The following MARCO variants were observed in gnomAD, a reference collection of about 807,000 sequenced individuals.
The protein encoded by MARCO is macrophage receptor MARCO.
Under a neutral mutation model 70.0 loss-of-function variants are expected in MARCO, and 72 were observed. The ratio of observed to expected loss-of-function variants is 1.03; its 90% CI spans 0.85 to 1.25. MARCO has a LOEUF of 1.25. Among genes scored for constraint, MARCO ranks in the 50% most tolerant of loss-of-function variants. The pLI is 0.00. For missense variants in MARCO, 696 were observed against 659.3 expected, an observed-to-expected ratio of 1.06 and a Z score of -0.61; for synonymous variants, 273 against 243.1, an observed-to-expected ratio of 1.12 and a Z score of -1.14.
At chr2:118,944,609 T>C (rs1268798300) in intron 1 of MARCO, among the ~76,000 whole-genome samples, 7 of 152,188 alleles carry the variant, frequency 4.6e-5, no homozygotes, top group Non-Finnish European at 1.0e-4. Context: ...ATTGTTGGTA[T>C]TGAAATATAA....
At chr2:118,994,170 G>A (rs1017847487) in intron 16 of MARCO, among the ~76,000 whole-genome samples, 1 of 149,518 alleles carries the variant, frequency 6.7e-6, no homozygotes, top group African/African-American at 2.5e-5. Flanking sequence ...GTAGAGAATA[G>A]AACGGAGGCA....
Position 118,974,351 on chromosome 2 carries a change from G to A in MARCO, c.479G>A (p.Gly160Glu), listed in dbSNP as rs1448907863. Reference sequence around the variant, plus strand: ...TCCTCAGGTCTTCAAGGTCACAAGGGGGCCATGGGCATGCCTGGTGCCCCT... The same window carrying A: ...TCCTCAGGTCTTCAAGGTCACAAGGAGGCCATGGGCATGCCTGGTGCCCCT... ...QGAPGLQGHK[G>E]AMGMPGAPGP... Residue 160 changes from glycine (G) to glutamate (E), a missense_variant, in exon 5 of 17, where the codon GGG becomes GAG. Around this residue, in one of 3 missense-constraint regions of MARCO, gnomAD observed 605 missense variants for 537.6 expected, o/e 1.13. Coordinates refer to ENST00000327097, the MANE Select transcript of MARCO (RefSeq NM_006770.4). The A allele has an allele frequency of 6.2e-7, 1 of 1,603,700 alleles. No homozygotes were observed. The highest frequency in any genetic ancestry group is 8.5e-7 in the Non-Finnish European group (1 of 1,175,248).
chr2:118,954,728 G>A (rs989140436), intron 1 of MARCO, among the ~76,000 whole-genome samples: 2 of 152,204 alleles, frequency 1.3e-5, no homozygotes, highest in Non-Finnish European at 1.5e-5. Context: ...CCGTTAGTTG[G>A]TTCACATGAG....
chr2:118,960,117 A>G (rs1679914203), intron 1 of MARCO, among the ~76,000 whole-genome samples: 1 of 121,484 alleles, frequency 8.2e-6, no homozygotes, highest in Admixed American at 7.6e-5. Flanking sequence ...AAAATAAAAT[A>G]AAATAATAAT....
intron 8 of MARCO, among the ~76,000 whole-genome samples, chr2:118,979,769 T>C (rs1558668942): frequency 6.6e-6 from 1 of 152,186 alleles, no homozygotes; most frequent in Non-Finnish European, 1.5e-5. Flanking sequence ...AGGTCTCTCT[T>C]ACCCATGGCT....
intron 6 of MARCO, 147 bp from the exon 7 acceptor site, chr2:118,977,319 AGAGAG>A: frequency 5.2e-6 from 1 of 193,856 alleles, no homozygotes; most frequent in South Asian, 1.4e-4. Flanking sequence ...TGTGTGAAAA[AGAGAG>A]AGAGAGAGAG....
intron 1 of MARCO, among the ~76,000 whole-genome samples, chr2:118,961,502 C>T (rs2104565324): frequency 6.6e-6 from 1 of 152,274 alleles, no homozygotes; most frequent in South Asian, 2.1e-4. Context: ...CGTATGTTGG[C>T]TACATGAATG....
At chr2:118,974,879 T>C (rs900757016) in intron 6 of MARCO, among the ~76,000 whole-genome samples, 2 of 152,130 alleles carry the variant, frequency 1.3e-5, no homozygotes, top group South Asian at 2.1e-4. Flanking sequence ...CTTTGGAAAG[T>C]TGGCCTCCTT....
At chr2:118,985,433 T>C (rs1315599731) in intron 12 of MARCO, among the ~76,000 whole-genome samples, 1 of 152,138 alleles carries the variant, frequency 6.6e-6, no homozygotes, top group Admixed American at 6.5e-5. Flanking sequence ...CTTCCTCTTG[T>C]TTGCATCTCT....
At chr2:118,948,014 A>T (rs976778524) in intron 1 of MARCO, among the ~76,000 whole-genome samples, 28 of 152,316 alleles carry the variant, frequency 1.8e-4, no homozygotes, top group African/African-American at 4.6e-4. Context: ...CTAAATTTTT[A>T]AAAAAATTTC....
intron 1 of MARCO, among the ~76,000 whole-genome samples, chr2:118,957,421 G>A (rs137990801): frequency 5.3e-5 from 8 of 151,918 alleles, no homozygotes; most frequent in Admixed American, 2.6e-4. Context: ...AAAATACAAC[G>A]TTCCTAGCTT....
At position 118,948,341 on chromosome 2, in the gene MARCO, C is replaced by A. The variant is rs993651297; in HGVS notation, c.97+5944C>A. ...GGACCTCACAATCTTAAACTGATAC[C>A]CGATTTGCTAATAGCCTACAACTTT... On this transcript the variant is annotated intron_variant, in intron 1 of 16. Coordinates refer to ENST00000327097, the MANE Select transcript of MARCO (RefSeq NM_006770.4). Among the ~76,000 whole-genome samples, 6 of 152,250 alleles carry A rather than the reference C, an allele frequency of 3.9e-5. No individual in the cohort carries two copies. The East Asian group carries it at 1.2e-3, about 29-fold the overall frequency.
Position 118,966,070 on chromosome 2 carries a change from C to G in MARCO, c.98-3090C>G, listed in dbSNP as rs72960652. 7.1e-3 allele frequency among the ~76,000 whole-genome samples: 1,080 copies of G among 152,270 alleles called. 17 individuals carry two copies. Among genetic ancestry groups the G allele is most frequent in the African/African-American group, 0.024 (1,017 of 41,548 alleles). On this transcript the variant is annotated intron_variant, in intron 1 of 16. Transcript: ENST00000327097. ...CCTGCTACCCCAGGAGGTGGCAGAC[C>G]TGGAGGAGGACACCCTACCAGCACT... is the stretch of plus-strand genomic sequence containing the variant.
At chr2:118,952,370 G>GTATAAAT (rs2104552009) in intron 1 of MARCO, among the ~76,000 whole-genome samples, 1 of 152,204 alleles carries the variant, frequency 6.6e-6, no homozygotes, top group Admixed American at 6.5e-5. Flanking sequence ...GGAGAATTAG[G>GTATAAAT]CCCCTTTTAG....
chr2:118,969,741 T>G (rs1303361290), intron 2 of MARCO, among the ~76,000 whole-genome samples: 2 of 152,186 alleles, frequency 1.3e-5, no homozygotes, highest in Non-Finnish European at 2.9e-5. Context: ...ACGTCTTGTG[T>G]GTATTAAGAT....
rs927913103 is a variant in MARCO at position 118,959,547 on chromosome 2, C to T, written c.98-9613C>T. Among the ~76,000 whole-genome samples, 7 of 152,256 alleles carry T rather than the reference C, an allele frequency of 4.6e-5. No homozygotes were observed. In the Middle Eastern group the frequency reaches 0.01, roughly 222 times the overall value. Reference sequence around the variant, plus strand: ...TCTACACTGCTGGTAGGAATGTAAACTAGGACAGCTGCTATGGAAAACAGT... The same window carrying T: ...TCTACACTGCTGGTAGGAATGTAAATTAGGACAGCTGCTATGGAAAACAGT... On this transcript the variant is annotated intron_variant, in intron 1 of 16. Transcript: ENST00000327097.
chr2:118,977,569 G>A (rs1454810497), intron 7 of MARCO, 54 bp downstream of exon 7: 1 of 1,536,792 alleles, frequency 6.5e-7, no homozygotes, highest in Non-Finnish European at 9.0e-7. Context: ...GAGGCACTGA[G>A]GCAGTTCCCC....
chr2:118,973,014 T>G (rs1050205991), intron 4 of MARCO, among the ~76,000 whole-genome samples: 8 of 152,142 alleles, frequency 5.3e-5, no homozygotes, highest in Admixed American at 1.3e-4. Context: ...TCTCCATGTC[T>G]CTCTCTCTGT....
At chr2:118,949,243 G>A (rs950162724) in intron 1 of MARCO, 2 of 152,210 alleles carry the variant, frequency 1.3e-5, no homozygotes, top group Admixed American at 6.5e-5. Flanking sequence ...GACCATGCTA[G>A]TGGAAAGGCA....
Sources: allele counts gnomAD v4.1 joint callset (sites outside exome capture counted in the v4.1 genomes callset), GRCh38; gene constraint gnomAD v4.1.1; regional missense constraint gnomAD v4.1.1; transcripts MANE v1.5; gene names NCBI Gene and HGNC (gene_info 2026-07-23, HGNC 2026-07-21).